Variants in EEF2 observed in about 807,000 individuals in gnomAD.
EEF2 encodes eukaryotic translation elongation factor 2, also known as elongation factor 2.
A neutral mutation model predicts 85.3 loss-of-function variants in EEF2; 21 were observed. That is an observed-to-expected ratio of 0.25 (90% CI 0.17 to 0.35). The LOEUF is 0.35. Ranked by LOEUF, EEF2 falls within the 10% of genes least tolerant of loss-of-function variation. The pLI is 1.00. For missense variants in EEF2, 825 were observed against 1,225.3 expected, an observed-to-expected ratio of 0.67 and a Z score of 4.88; for synonymous variants, 723 against 508.8, an observed-to-expected ratio of 1.42 and a Z score of -5.67.
At position 3,976,406 on chromosome 19, in the gene EEF2, T is replaced by G; in HGVS notation, c.*148A>C. 1 of 821,540 alleles carries G rather than the reference T, an allele frequency of 1.2e-6. No homozygotes were observed. The highest frequency in any genetic ancestry group is 1.8e-5 in the South Asian group (1 of 56,232). 50.9% of individuals were successfully genotyped at this position (821,540 alleles called of 1,614,324 possible). Reference sequence around the variant, plus strand: ...AAGAAACGGCATCAAGTGTTATGGTTGAGTGATGGCACGCAGCGGGCCCCA... The same window carrying G: ...AAGAAACGGCATCAAGTGTTATGGTGGAGTGATGGCACGCAGCGGGCCCCA... On this transcript the variant is annotated 3_prime_UTR_variant, in exon 15 of 15. Coordinates refer to ENST00000309311, the MANE Select transcript of EEF2 (RefSeq NM_001961.4).
Position 3,976,504 on chromosome 19 carries a change from C to T in EEF2, c.*50G>A. On this transcript the variant is annotated 3_prime_UTR_variant, in exon 15 of 15. Coordinates refer to ENST00000309311, the MANE Select transcript of EEF2 (RefSeq NM_001961.4). ...CGTCTGAGAATTCGAGGACGTGGTG[C>T]TGTGGGTGCTGCGAGTCCCCGGGGC... 8 of 1,553,940 alleles carry T rather than the reference C, an allele frequency of 5.1e-6. No individual in the cohort carries two copies. Among genetic ancestry groups the T allele is most frequent in the Non-Finnish European group, 6.1e-6 (7 of 1,149,338 alleles).
In EEF2 at chr19:3,977,639, G is replaced by C; in HGVS notation, c.2068-29C>G. On this transcript the variant is annotated intron_variant, in intron 12 of 14. Coordinates refer to ENST00000309311, the MANE Select transcript of EEF2 (RefSeq NM_001961.4). The surrounding 1 kb of genome is among the most constrained non-coding windows in gnomAD (Gnocchi z 5.4). Reference sequence around the variant, plus strand: ...GGGGAGGGGGAGAGCCACCGTCAAGGGCCGGACACACCTCGGCTGCTTGCC... The same window carrying C: ...GGGGAGGGGGAGAGCCACCGTCAAGCGCCGGACACACCTCGGCTGCTTGCC... 6.7e-7 allele frequency: 1 copy of C among 1,494,762 alleles called. No individual in the cohort carries two copies. The highest frequency in any genetic ancestry group is 8.9e-7 in the Non-Finnish European group (1 of 1,127,516). The allele number at this position is 1,494,762 out of a possible 1,614,324, so 92.6% of individuals were successfully genotyped here.
intron 4 of EEF2, 40 bp downstream of exon 4, chr19:3,982,767 C>G: frequency 6.3e-7 from 1 of 1,578,876 alleles, no homozygotes; most frequent in Non-Finnish European, 8.6e-7. Flanking sequence ...CTGCAGATCC[C>G]GCTGCGGCAA....
chr19:3,980,818 G>T, intron 8 of EEF2, 23 bp downstream of exon 8: 1 of 1,576,718 alleles, frequency 6.3e-7, no homozygotes. Flanking sequence ...GCATCTCAGG[G>T]CCCGGCCACC....
intron 14 of EEF2, 30 bp from the exon 15 acceptor site, chr19:3,976,777 C>T: frequency 2.7e-6 from 4 of 1,506,134 alleles, no homozygotes; most frequent in Non-Finnish European, 3.5e-6. Flanking sequence ...GCTCACTGGG[C>T]CATCGAGAAG....
chr19:3,983,189 C>A lies in EEF2; in HGVS notation c.321G>T (p.Gly107=). The change falls in exon 3 of 15, where the codon GGG becomes GGT. Residue 107 remains glycine (G), a synonymous_variant. Coordinates refer to ENST00000309311, the MANE Select transcript of EEF2 (RefSeq NM_001961.4). ...GFLINLIDSP[G]HVDFSSEVTA... ...TCACCTCCGAGGAGAAGTCGACATG[C>A]CCGGGGGAGTCAATGAGGTTGATGA... 1 of 1,614,062 alleles carries A rather than the reference C, an allele frequency of 6.2e-7. No individual in the cohort carries two copies. Among genetic ancestry groups the A allele is most frequent in the Non-Finnish European group, 8.5e-7 (1 of 1,179,998 alleles).
In EEF2 at chr19:3,976,530, G is replaced by GGCAGGCGCT. The variant is rs759507711; in HGVS notation, c.*15_*23dup. Reference sequence around the variant, plus strand: ...TGTGGGTGCTGCGAGTCCCCGGGGCGGCAGGCGCTGCAGGAAGGGCCGCCT... The same window carrying GGCAGGCGCT: ...TGTGGGTGCTGCGAGTCCCCGGGGCGGCAGGCGCTGCAGGCGCTGCAGGAAGGGCCGCCT... On this transcript the variant is annotated 3_prime_UTR_variant, in exon 15 of 15. Coordinates refer to ENST00000309311, the MANE Select transcript of EEF2 (RefSeq NM_001961.4). 2 of 1,585,092 alleles carry GGCAGGCGCT rather than the reference G, an allele frequency of 1.3e-6. No individual in the cohort carries two copies. Among genetic ancestry groups the GGCAGGCGCT allele is most frequent in the Admixed American group, 3.6e-5 (2 of 56,006 alleles).
rs1258931189 is a variant in EEF2 at position 3,977,949 on chromosome 19, G to C, written c.1937C>G (p.Ala646Gly). ...AEKYEWDVAE[A>G]RKIWCFGPDG... ...GGGCCCAAAGCACCAGATCTTGCGG[G>C]CCTCAGCCACGTCCCACTCGTACTT... is the stretch of plus-strand genomic sequence containing the variant. Residue 646 changes from alanine to glycine, a missense_variant, in exon 12 of 15, where the codon GCC (alanine) becomes GGC (glycine). Physicochemically the swap from Ala to Gly is moderately conservative, Grantham distance 60. Coordinates refer to ENST00000309311, the MANE Select transcript of EEF2 (RefSeq NM_001961.4). The surrounding 1 kb of genome is among the most constrained non-coding windows in gnomAD (Gnocchi z 5.4). The C allele has an allele frequency of 1.2e-6, 2 of 1,613,444 alleles. No homozygotes were observed. Among genetic ancestry groups the C allele is most frequent in the Admixed American group, 3.3e-5 (2 of 60,024 alleles).
In EEF2 at chr19:3,977,490, A is replaced by G. The variant is rs2039692193; in HGVS notation, c.2188T>C (p.Tyr730His). Residue 730 changes from tyrosine (Y) to histidine (H), a missense_variant, in exon 13 of 15, where the codon TAT becomes CAT. Physicochemically the swap from Tyr to His is moderately conservative, Grantham distance 83. Coordinates refer to ENST00000309311, the MANE Select transcript of EEF2 (RefSeq NM_001961.4). The surrounding 1 kb of genome is among the most constrained non-coding windows in gnomAD (Gnocchi z 5.4). ...GGCTGGGCGGTCAGCACACTGGCAT[A>G]GAGGCAGCGCCGTGCTGTGGGGATG... is the stretch of plus-strand genomic sequence containing the variant. The part of the protein sequence containing the change: ...QIIPTARRCL[Y>H]ASVLTAQPRL... 1 of 1,588,748 alleles carries G rather than the reference A, an allele frequency of 6.3e-7. No homozygotes were observed. Among genetic ancestry groups the G allele is most frequent in the Non-Finnish European group, 8.5e-7 (1 of 1,172,192 alleles).
At chr19:3,982,591 A>G (rs1469418192) in intron 4 of EEF2, 167 bp from the exon 5 acceptor site, 2 of 1,080,258 alleles carry the variant, frequency 1.9e-6, no homozygotes, top group Non-Finnish European at 2.8e-6. Context: ...CAGCCCCTCC[A>G]CCACCCAGGG....
At position 3,977,216 on chromosome 19, in the gene EEF2, A is replaced by G. The variant is rs773670601; in HGVS notation, c.2382T>C (p.Phe794=). The change falls in exon 14 of 15, where the codon TTT becomes TTC. Residue 794 remains phenylalanine (F), a splice_region_variant and synonymous_variant. Coordinates refer to ENST00000309311, the MANE Select transcript of EEF2 (RefSeq NM_001961.4). This position sits in a 1 kb window ranked among gnomAD's most constrained non-coding sequence, Gnocchi z 5.4. ...VKAYLPVNES[F]GFTADLRSNT... is the part of the protein sequence containing the mutation. ...AGGCCACACCGGGCAGGCACTCACC[A>G]AAGGACTCGTTGACGGGCAGATAGG... is the stretch of plus-strand genomic sequence containing the variant. 6.2e-7 allele frequency: 1 copy of G among 1,613,342 alleles called. No homozygotes were observed. Among genetic ancestry groups the G allele is most frequent in the East Asian group, 2.2e-5 (1 of 44,866 alleles).
chr19:3,981,971 C>G lies in EEF2; in HGVS notation c.873G>C (p.Gln291His). The G allele has an allele frequency of 6.2e-7, 1 of 1,614,150 alleles. No individual in the cohort carries two copies. Among genetic ancestry groups the G allele is most frequent in the Non-Finnish European group, 8.5e-7 (1 of 1,180,016 alleles). The change falls in exon 6 of 15, where the codon CAG becomes CAC. Residue 291 changes from glutamine (Q) to histidine (H), a missense_variant. By Grantham distance (24) the Gln-to-His change is conservative. Coordinates refer to ENST00000309311, the MANE Select transcript of EEF2 (RefSeq NM_001961.4). ...EGKKLPRTFCQLILDPIFKVF... is the reference protein window; with the variant it reads ...EGKKLPRTFCHLILDPIFKVF... The stretch of plus-strand genomic sequence containing the variant: ...CCTTGAAGATGGGGTCCAGGATCAG[C>G]TGGCAGAAGGTGCGTGGCAGCTTCT...
At chr19:3,978,208 G>T (rs779756129) in intron 11 of EEF2, 36 bp from the exon 12 acceptor site, 10 of 1,431,036 alleles carry the variant, frequency 7.0e-6, no homozygotes, top group Non-Finnish European at 8.3e-6. Context: ...CTTGCCTGGA[G>T]AAAGAGGTGA....
Position 3,976,353 on chromosome 19 carries a change from G to A in EEF2, c.*201C>T. The A allele has an allele frequency of 7.3e-6, 4 of 545,900 alleles. No homozygotes were observed. The highest frequency in any genetic ancestry group is 6.2e-5 in the South Asian group (3 of 48,632). The allele number at this position is 545,900 out of a possible 1,614,324, so 33.8% of individuals were successfully genotyped here. A position where few individuals can be genotyped will look rare whatever the true frequency, so the allele number is the denominator to read the frequency against. ...TCCCTACTAAGAGGGCGTGTCTGCT[G>A]CCTCCGGACTCTGGAAATAAATATT... On this transcript the variant is annotated 3_prime_UTR_variant, in exon 15 of 15. Coordinates refer to ENST00000309311, the MANE Select transcript of EEF2 (RefSeq NM_001961.4).
Position 3,979,790 on chromosome 19 carries a change from G to A in EEF2, c.1605+18C>T, listed in dbSNP as rs763827021. On this transcript the variant is annotated intron_variant, in intron 10 of 14. Transcript: ENST00000309311. ...CCCCTCAGGGTGTCTGCTCCCAGCAGGTGCACTCCGTGCCCACCTGCACCA... is the reference window on the plus strand; with the variant it reads ...CCCCTCAGGGTGTCTGCTCCCAGCAAGTGCACTCCGTGCCCACCTGCACCA... 1.6e-5 allele frequency: 26 copies of A among 1,606,382 alleles called. No homozygotes were observed. The highest frequency in any genetic ancestry group is 2.0e-5 in the Non-Finnish European group (24 of 1,175,562).
Position 3,981,436 on chromosome 19 carries a change from A to G in EEF2, c.914T>C (p.Met305Thr). ...TGCTGTCTCCTCTTTCTTGAAATTC[A>G]TGATCGCATCAAACACCTACATTCC... The part of the protein sequence containing the change: ...DPIFKVFDAI[M>T]NFKKEETAKL... Residue 305 changes from methionine to threonine, a missense_variant, in exon 7 of 15, where the codon ATG becomes ACG. Transcript: ENST00000309311. 1 of 1,614,076 alleles carries G rather than the reference A, an allele frequency of 6.2e-7. No homozygotes were observed. Among genetic ancestry groups the G allele is most frequent in the Non-Finnish European group, 8.5e-7 (1 of 1,180,006 alleles).
In EEF2 at chr19:3,977,138, C is replaced by G; in HGVS notation, c.2383+77G>C. ...CCCATCAGGACGCCTCCTTTAACAC[C>G]TTGCTAAGCTTAACTGGGCTTCTGT... On this transcript the variant is annotated intron_variant, in intron 14 of 14. Coordinates refer to ENST00000309311, the MANE Select transcript of EEF2 (RefSeq NM_001961.4). The surrounding 1 kb of genome is among the most constrained non-coding windows in gnomAD (Gnocchi z 5.4). 3.2e-6 allele frequency: 5 copies of G among 1,566,072 alleles called. No homozygotes were observed. The South Asian group carries it at 5.9e-5, about 18-fold the overall frequency.
rs2145360236 is a variant in EEF2, at chr19:3,980,171, C to T, written c.1347-105G>A. On this transcript the variant is annotated intron_variant, in intron 9 of 14. Transcript: ENST00000309311. Reference sequence around the variant, plus strand: ...AGTTGGTGGCCCTCCTGCCAGGTCCCAGGGCAGACTGGTGGCTTCCACAAG... The same window carrying T: ...AGTTGGTGGCCCTCCTGCCAGGTCCTAGGGCAGACTGGTGGCTTCCACAAG... 7 of 1,478,960 alleles carry T rather than the reference C, an allele frequency of 4.7e-6. No homozygotes were observed. In the Admixed American group the frequency reaches 1.5e-4, roughly 31 times the overall value. The allele number at this position is 1,478,960 out of a possible 1,614,324, so 91.6% of individuals were successfully genotyped here. A position where few individuals can be genotyped will look rare whatever the true frequency, so the allele number is the denominator to read the frequency against.
In EEF2 at chr19:3,976,402, T is replaced by C. The variant is rs780178250; in HGVS notation, c.*152A>G. On this transcript the variant is annotated 3_prime_UTR_variant, in exon 15 of 15. Transcript: ENST00000309311. ...TTGAAAGAAACGGCATCAAGTGTTA[T>C]GGTTGAGTGATGGCACGCAGCGGGC... 3 of 783,396 alleles carry C rather than the reference T, an allele frequency of 3.8e-6. No homozygotes were observed. The highest frequency in any genetic ancestry group is 6.0e-6 in the Non-Finnish European group (3 of 501,728). 48.5% of individuals were successfully genotyped at this position (783,396 alleles called of 1,614,324 possible).
Sources: gnomAD v4.1 joint callset for allele counts on GRCh38, gnomAD v4.1.1 for gene constraint, Gnocchi (gnomAD v3.1) non-coding constraint, MANE v1.5 for transcripts, NCBI Gene and HGNC (gene_info 2026-07-23, HGNC 2026-07-21) for gene names.